KIZ: variants seen among roughly 807,000 people sequenced by gnomAD.
KIZ encodes the protein kizuna centrosomal protein.
In KIZ, 68 loss-of-function variants were observed where a neutral mutation model predicts 79.6. The observed-to-expected ratio is 0.85, with a 90% CI of 0.70 to 1.05. The LOEUF (loss-of-function observed/expected upper bound fraction) is 1.05. Among genes scored for constraint, KIZ ranks in the 50% least tolerant of loss-of-function variants. The pLI, the probability that KIZ is intolerant of heterozygous loss-of-function variation, is 0.00. For missense variants in KIZ, 797 were observed against 800.4 expected (o/e 1.00, Z 0.05); for synonymous variants, 280 against 281.8 (o/e 0.99, Z 0.06).
At chr20:21,233,550 G>A (rs2036902447) in intron 11 of KIZ, among the ~76,000 whole-genome samples, 1 of 152,110 alleles carries the variant, frequency 6.6e-6, no homozygotes, top group Non-Finnish European at 1.5e-5. Context: ...AAATGGCATA[G>A]CAACTTTCCT....
intron 9 of KIZ, among the ~76,000 whole-genome samples, chr20:21,226,590 A>G (rs2036662546): frequency 6.6e-6 from 1 of 152,196 alleles, no homozygotes; most frequent in Admixed American, 6.5e-5. Flanking sequence ...GGGCGGCAGC[A>G]GTGCTAGGCG....
At position 21,205,471 on chromosome 20, in the gene KIZ, G is replaced by T. The variant is rs540016858; in HGVS notation, c.1353-20G>T. 3.7e-5 allele frequency: 39 copies of T among 1,046,342 alleles called. No homozygotes were observed. Among genetic ancestry groups the T allele is most frequent in the Non-Finnish European group, 5.6e-5 (39 of 692,746 alleles). The allele number at this position is 1,046,342 out of a possible 1,614,324, so 64.8% of individuals were successfully genotyped here. A position where few individuals can be genotyped will look rare whatever the true frequency, so the allele number is the denominator to read the frequency against. ...ATAATATTACAAATCTATAGTGAGT[G>T]TCCTGTTTCTGTTTTATAGACCTGG... On this transcript the variant is annotated intron_variant, in intron 6 of 12. Coordinates refer to ENST00000619189, the MANE Select transcript of KIZ (RefSeq NM_018474.6).
intron 4 of KIZ, 117 bp from the exon 5 acceptor site, chr20:21,161,752 GGT>G: frequency 3.1e-6 from 2 of 642,584 alleles, no homozygotes; most frequent in Non-Finnish European, 5.4e-6. Flanking sequence ...ATACATGGTA[GGT>G]GCTGATTTCA....
intron 6 of KIZ, among the ~76,000 whole-genome samples, chr20:21,191,975 C>T (rs1046981048): frequency 3.3e-5 from 5 of 152,262 alleles, no homozygotes; most frequent in African/African-American, 9.6e-5. Context: ...CACAAACCCT[C>T]TTTGTTGGGA....
At chr20:21,237,033 G>A (rs1306356656) in intron 11 of KIZ, among the ~76,000 whole-genome samples, 1 of 151,604 alleles carries the variant, frequency 6.6e-6, no homozygotes, top group African/African-American at 2.4e-5. Context: ...TGGGTGCGGT[G>A]GCTCACACCT....
At chr20:21,160,146 C>T (rs948575337) in intron 4 of KIZ, among the ~76,000 whole-genome samples, 4 of 152,216 alleles carry the variant, frequency 2.6e-5, no homozygotes, top group Admixed American at 1.3e-4. Flanking sequence ...CACCCTCCTT[C>T]GCAGTTCCTC....
chr20:21,194,269 G>T (rs1259695415), intron 6 of KIZ: 1 of 152,212 alleles, frequency 6.6e-6, no homozygotes, highest in Non-Finnish European at 1.5e-5. Flanking sequence ...ACCTCACAGA[G>T]AACAAGGTGA....
At chr20:21,153,152 A>T (rs1201292830) in intron 4 of KIZ, among the ~76,000 whole-genome samples, 1 of 152,154 alleles carries the variant, frequency 6.6e-6, no homozygotes, top group Non-Finnish European at 1.5e-5. Flanking sequence ...TCATAATATA[A>T]ATCTCTTAGC....
At chr20:21,216,831 A>T (rs183540910) in intron 9 of KIZ, among the ~76,000 whole-genome samples, 8 of 152,316 alleles carry the variant, frequency 5.3e-5, no homozygotes, top group Non-Finnish European at 1.0e-4. Flanking sequence ...CCAGGAAATG[A>T]CCTTGTTCAT....
At chr20:21,179,210 T>G (rs773257621) in intron 6 of KIZ, among the ~76,000 whole-genome samples, 187 of 22,602 alleles carry the variant, frequency 8.3e-3, no homozygotes, top group Non-Finnish European at 0.017. Context: ...GGTTTTTTTG[T>G]TTTTTTTTTT....
At chr20:21,225,312 T>A (rs1436891705) in intron 9 of KIZ, among the ~76,000 whole-genome samples, 1 of 152,216 alleles carries the variant, frequency 6.6e-6, no homozygotes, top group Non-Finnish European at 1.5e-5. Context: ...TCTGTGTGTA[T>A]CAGAACATTC....
chr20:21,237,475 G>T (rs923606015), intron 11 of KIZ, among the ~76,000 whole-genome samples: 8 of 151,968 alleles, frequency 5.3e-5, no homozygotes, highest in Admixed American at 2.6e-4. Flanking sequence ...GGAGACCCTT[G>T]TTGCCTGCAC....
At chr20:21,177,478 A>T (rs1343558645) in intron 6 of KIZ, among the ~76,000 whole-genome samples, 1 of 152,014 alleles carries the variant, frequency 6.6e-6, no homozygotes, top group African/African-American at 2.4e-5. Context: ...CATGTTTGGG[A>T]AATTAACCCC....
At chr20:21,209,897 A>G (rs561026752) in intron 7 of KIZ, among the ~76,000 whole-genome samples, 3 of 93,596 alleles carry the variant, frequency 3.2e-5, no homozygotes, top group African/African-American at 1.4e-4. Context: ...GATAGCAGAA[A>G]TTGGATTTCT....
intron 6 of KIZ, among the ~76,000 whole-genome samples, chr20:21,191,133 AC>A (rs1433314543): frequency 6.6e-6 from 1 of 152,224 alleles, no homozygotes; most frequent in East Asian, 1.9e-4. Flanking sequence ...CACCACTTCC[AC>A]CATTTTTCCC....
At chr20:21,146,854 G>A (rs1294140465) in intron 4 of KIZ, among the ~76,000 whole-genome samples, 1 of 151,900 alleles carries the variant, frequency 6.6e-6, no homozygotes, top group East Asian at 1.9e-4. Flanking sequence ...CTAGAACTTA[G>A]AGCATTCTTT....
intron 6 of KIZ, chr20:21,196,040 T>A (rs2035330476): frequency 6.6e-6 from 1 of 152,486 alleles, no homozygotes; most frequent in Non-Finnish European, 1.5e-5. Context: ...CAGGTCTCTC[T>A]CCTCACCAAC....
In KIZ at chr20:21,177,720, ATTTAAATCCTTAATTCAT is replaced by A. The variant is rs1228041842; in HGVS notation, c.1352+14565_1352+14582del. Among the ~76,000 whole-genome samples the A allele has an allele frequency of 9.2e-5, 14 of 152,168 alleles. No individual in the cohort carries two copies. In the East Asian group the frequency reaches 2.7e-3, roughly 29 times the overall value. Reference sequence around the variant, plus strand: ...GGAGTTTTAAAACTTCAGGTCTTATATTTAAATCCTTAATTCATTTTGAGTTGATTTTTCTGTGTGGTA... The same window carrying A: ...GGAGTTTTAAAACTTCAGGTCTTATATTTGAGTTGATTTTTCTGTGTGGTA... On this transcript the variant is annotated intron_variant, in intron 6 of 12. Transcript: ENST00000619189.
In KIZ at chr20:21,200,805, C is replaced by T. The variant is rs960786148; in HGVS notation, c.1353-4686C>T. ...AGATAATGTGAAGATTTCTGAATTC[C>T]TGCTCACAAAATAAAGCATCTTAAG... On this transcript the variant is annotated intron_variant, in intron 6 of 12. Coordinates refer to ENST00000619189, the MANE Select transcript of KIZ (RefSeq NM_018474.6). Among the ~76,000 whole-genome samples, 6 of 152,126 alleles carry T rather than the reference C, an allele frequency of 3.9e-5. No individual in the cohort carries two copies. In the South Asian group the frequency reaches 1.2e-3, roughly 32 times the overall value.
Sources: allele counts gnomAD v4.1 joint callset (sites outside exome capture counted in the v4.1 genomes callset), GRCh38; gene constraint gnomAD v4.1.1; transcripts MANE v1.5; gene names NCBI Gene and HGNC (gene_info 2026-07-23, HGNC 2026-07-21).